The following COPB1 variants were observed in gnomAD, a reference collection of about 807,000 sequenced individuals.
COPB1 encodes coatomer subunit beta.
COPB1 carries 21 observed loss-of-function variants against 108.7 expected under a neutral mutation model. That is an observed-to-expected ratio of 0.19 (90% confidence interval 0.14 to 0.28). The LOEUF (loss-of-function observed/expected upper bound fraction) is 0.28, where lower values mean the gene tolerates loss of function less well. Ranked by LOEUF, COPB1 falls within the 10% of genes least tolerant of loss-of-function variation. The probability of loss-of-function intolerance (pLI) is 1.00; values close to 1 mark genes in which losing one functional copy is unlikely to be tolerated. For synonymous variants in COPB1, 378 were observed against 386.8 expected (o/e 0.98, Z 0.27); for missense variants, 919 against 1,141.3 (o/e 0.81, Z 2.81).
chr11:14,458,205 G>C (rs1019184782), intron 21 of COPB1, among the ~76,000 whole-genome samples: 1 of 146,912 alleles, frequency 6.8e-6, no homozygotes, highest in Non-Finnish European at 1.5e-5. Flanking sequence ...TCAGCCTCCC[G>C]AGTAGCTGGG....
Position 14,493,654 on chromosome 11 carries a change from T to A in COPB1, c.479A>T (p.Tyr160Phe). 1.2e-6 allele frequency: 2 copies of A among 1,611,286 alleles called. No homozygotes were observed. Among genetic ancestry groups the A allele is most frequent in the Non-Finnish European group, 1.7e-6 (2 of 1,179,122 alleles). The change falls in exon 4 of 22, where the codon TAT becomes TTT. Residue 160 changes from tyrosine to phenylalanine, a missense_variant. This residue lies in a region of COPB1 where 78 missense variants were observed against 95.4 expected (regional missense o/e 0.82). Transcript: ENST00000439561. ...YVRRNAVLAI[Y>F]TIYRNFEHLI... ...TATCTTTATTTACCTATAGATGGTA[T>A]AGATGGCCAAAACAGCATTTCTTCT...
chr11:14,475,316 A>G (rs1173127386), intron 13 of COPB1, among the ~76,000 whole-genome samples: 2 of 152,168 alleles, frequency 1.3e-5, no homozygotes, highest in Non-Finnish European at 2.9e-5. Flanking sequence ...TGTCAAGACT[A>G]TATGAGACAA....
intron 7 of COPB1, among the ~76,000 whole-genome samples, chr11:14,483,518 A>C (rs1303633430): frequency 1.3e-5 from 2 of 152,214 alleles, no homozygotes; most frequent in Non-Finnish European, 2.9e-5. Context: ...ACATCGATTA[A>C]GCATATTTCA....
intron 21 of COPB1, 153 bp from the exon 22 acceptor site, chr11:14,458,036 A>T: frequency 2.4e-6 from 1 of 410,162 alleles, no homozygotes; most frequent in Non-Finnish European, 4.4e-6. Flanking sequence ...TTTACTGGTA[A>T]TTACCTTTCA....
chr11:14,479,741 T>G lies in COPB1; in HGVS notation c.1213-27A>C, dbSNP rs202190250. 2.0e-6 allele frequency: 3 copies of G among 1,526,086 alleles called. No individual in the cohort carries two copies. The African/African-American group carries it at 4.3e-5, about 22-fold the overall frequency. The allele number at this position is 1,526,086 out of a possible 1,614,324, so 94.5% of individuals were successfully genotyped here. On this transcript the variant is annotated intron_variant, in intron 10 of 21. Transcript: ENST00000439561. ...TAAAAGAAAAAAAAAAAAAAGAAAA[T>G]GGAACTAACAATTTTCGAAAAGAAA...
At chr11:14,498,386 CT>C (rs1185352340) in intron 2 of COPB1, among the ~76,000 whole-genome samples, 2 of 152,132 alleles carry the variant, frequency 1.3e-5, no homozygotes, top group Non-Finnish European at 2.9e-5. Context: ...AAAAGGTAAA[CT>C]TTTCTGGAAA....
At chr11:14,498,607 TCTAAA>T (rs1851079458) in intron 2 of COPB1, among the ~76,000 whole-genome samples, 1 of 152,182 alleles carries the variant, frequency 6.6e-6, no homozygotes, top group East Asian at 1.9e-4. Flanking sequence ...TTGAGGAATA[TCTAAA>T]CTATTACAAT....
intron 20 of COPB1, 44 bp downstream of exon 20, chr11:14,460,164 T>G: frequency 7.9e-7 from 1 of 1,266,102 alleles, no homozygotes. Context: ...AGGAACCTAC[T>G]CTACCATTCC....
intron 2 of COPB1, among the ~76,000 whole-genome samples, chr11:14,498,401 C>T (rs1001188363): frequency 2.0e-5 from 3 of 152,152 alleles, no homozygotes; most frequent in Non-Finnish European, 4.4e-5. Flanking sequence ...CTGGAAAATA[C>T]ATGTTTATTC....
intron 7 of COPB1, 127 bp downstream of exon 7, chr11:14,486,240 T>A: frequency 8.9e-7 from 1 of 1,126,590 alleles, no homozygotes; most frequent in Non-Finnish European, 1.3e-6. Flanking sequence ...CATCAAATAA[T>A]TTTATAAGTT....
chr11:14,464,595 C>T (rs563930681), intron 18 of COPB1, among the ~76,000 whole-genome samples: 60 of 152,226 alleles, frequency 3.9e-4, no homozygotes, highest in African/African-American at 1.3e-3. Flanking sequence ...AAGCCTTCCA[C>T]ACTGTTAGCA....
intron 14 of COPB1, among the ~76,000 whole-genome samples, chr11:14,470,568 C>T (rs895481724): frequency 6.6e-6 from 1 of 152,114 alleles, no homozygotes; most frequent in Non-Finnish European, 1.5e-5. Context: ...ATGCTCTAAG[C>T]CCTTGCCAAA....
chr11:14,461,372 A>C lies in COPB1; in HGVS notation c.2411-41T>G, dbSNP rs777590555. 18 of 1,597,876 alleles carry C rather than the reference A, an allele frequency of 1.1e-5. No individual in the cohort carries two copies. In the East Asian group the frequency reaches 4.0e-4, roughly 36 times the overall value. ...CAAAAAGATTCGCAATCACTGGGGC[A>C]AACTTGAATTTAAAAAATCTTAATA... On this transcript the variant is annotated intron_variant, in intron 18 of 21. Transcript: ENST00000439561.
chr11:14,470,376 G>T (rs566412180), intron 14 of COPB1, among the ~76,000 whole-genome samples: 3 of 152,268 alleles, frequency 2.0e-5, no homozygotes, highest in Non-Finnish European at 4.4e-5. Flanking sequence ...TGCTAAGCGT[G>T]ATCACCTGAT....
intron 14 of COPB1, among the ~76,000 whole-genome samples, chr11:14,472,971 TTTC>T (rs539341598): frequency 2.6e-4 from 39 of 152,260 alleles, no homozygotes; most frequent in South Asian, 6.2e-4. Context: ...TTTCGCTTTC[TTTC>T]TTCTTCTTTT....
intron 18 of COPB1, among the ~76,000 whole-genome samples, chr11:14,462,503 A>G (rs991401084): frequency 2.0e-5 from 3 of 152,122 alleles, no homozygotes; most frequent in African/African-American, 4.8e-5. Context: ...AAGTGCTGGG[A>G]TTACAGGCAT....
In COPB1 at chr11:14,476,916, T is replaced by G; in HGVS notation, c.1455+3A>C. The G allele has an allele frequency of 6.3e-7, 1 of 1,582,572 alleles. No homozygotes were observed. Among genetic ancestry groups the G allele is most frequent in the Non-Finnish European group, 8.7e-7 (1 of 1,151,664 alleles). Reference sequence around the variant, plus strand: ...AACTAACATTTACTAAAGTAAAACATACCTCTCCAAGGGACCTGCGGATCT... The same window carrying G: ...AACTAACATTTACTAAAGTAAAACAGACCTCTCCAAGGGACCTGCGGATCT... On this transcript the variant is annotated splice_donor_region_variant and intron_variant, in intron 12 of 21. Coordinates refer to ENST00000439561, the MANE Select transcript of COPB1 (RefSeq NM_001144061.2).
chr11:14,458,809 C>T, intron 20 of COPB1, 122 bp from the exon 21 acceptor site: 1 of 913,478 alleles, frequency 1.1e-6, no homozygotes, highest in Non-Finnish European at 1.6e-6. Flanking sequence ...TGTTGTCCAG[C>T]TTGGAGCTGG....
intron 14 of COPB1, among the ~76,000 whole-genome samples, chr11:14,471,239 T>C (rs1850395863): frequency 6.6e-6 from 1 of 152,138 alleles, no homozygotes; most frequent in South Asian, 2.1e-4. Context: ...ATGAAGAGTG[T>C]TGGAAATGGC....
Sources: gnomAD v4.1 joint callset for allele counts (sites outside exome capture counted in the v4.1 genomes callset) on GRCh38, gnomAD v4.1.1 for gene constraint, gnomAD v4.1.1 regional missense constraint, MANE v1.5 for transcripts, NCBI Gene and HGNC (gene_info 2026-07-23, HGNC 2026-07-21) for gene names.